Variants in CUBN observed in about 807,000 individuals in gnomAD.
The protein encoded by CUBN is 460 kDa receptor.
CUBN carries 282 observed loss-of-function variants against 405.3 expected under a neutral mutation model. The observed-to-expected ratio is 0.70, with a 90% CI of 0.63 to 0.77. CUBN has a LOEUF of 0.77. Ranked by LOEUF, CUBN falls within the 30% of genes least tolerant of loss-of-function variation. The pLI, the probability that CUBN is intolerant of heterozygous loss-of-function variation, is 0.00. For missense variants in CUBN, 4,514 were observed against 4,475.2 expected, an observed-to-expected ratio of 1.01 and a Z score of -0.25; for synonymous variants, 1,684 against 1,617.0, an observed-to-expected ratio of 1.04 and a Z score of -0.99.
At position 16,890,329 on chromosome 10, in the gene CUBN, C is replaced by T. The variant is rs199759091; in HGVS notation, c.8755+42G>A. On this transcript the variant is annotated intron_variant, in intron 55 of 66. Coordinates refer to ENST00000377833, the MANE Select transcript of CUBN (RefSeq NM_001081.4). ...ACCCTGCCTGCCTGTGACAACCACA[C>T]TCCCGCAAAGACCTCTGGGTTTGGT... is the stretch of plus-strand genomic sequence containing the variant. 2.7e-3 allele frequency: 4,318 copies of T among 1,609,258 alleles called. 11 individuals are homozygous for T. The highest frequency in any genetic ancestry group is 3.4e-3 in the Non-Finnish European group (4,035 of 1,177,512).
chr10:16,948,474 T>C lies in CUBN; in HGVS notation c.5209+4A>G. ...CGCTAGAGTCAGGTGCTAGGGTTTCTTACCCGACACTGATGCGGTGACCGT... is the reference window on the plus strand; with the variant it reads ...CGCTAGAGTCAGGTGCTAGGGTTTCCTACCCGACACTGATGCGGTGACCGT... On this transcript the variant is annotated splice_donor_region_variant and intron_variant, in intron 35 of 66. Transcript: ENST00000377833. 2.5e-6 allele frequency: 4 copies of C among 1,613,874 alleles called. No homozygotes were observed. Among genetic ancestry groups the C allele is most frequent in the Non-Finnish European group, 3.4e-6 (4 of 1,179,900 alleles).
chr10:16,855,974 C>T (rs11254250), intron 59 of CUBN, among the ~76,000 whole-genome samples: 8,072 of 152,098 alleles, frequency 0.053, 258 homozygotes, highest in Non-Finnish European at 0.066. Context: ...TTTGAGAAAA[C>T]GTAATGATCA....
intron 66 of CUBN, among the ~76,000 whole-genome samples, chr10:16,827,187 C>T (rs563290114): frequency 6.6e-6 from 1 of 152,216 alleles, no homozygotes; most frequent in East Asian, 1.9e-4. Context: ...TAAATGTCCA[C>T]TTAGAGGGGC....
intron 56 of CUBN, among the ~76,000 whole-genome samples, chr10:16,884,753 G>A (rs186528612): frequency 8.5e-5 from 13 of 152,156 alleles, no homozygotes; most frequent in Middle Eastern, 3.4e-3. Context: ...TTTAGTAGAC[G>A]CCATATAGGG....
Position 16,902,206 on chromosome 10 carries a change from T to G in CUBN, c.8063-747A>C, listed in dbSNP as rs1015109493. ...ATATTTGTATATATAGTATATATAT[T>G]TATATATATAGTATATATATGTATA... On this transcript the variant is annotated intron_variant, in intron 51 of 66. Transcript: ENST00000377833. Among the ~76,000 whole-genome samples the G allele has an allele frequency of 6.3e-4, 85 of 135,216 alleles. No individual in the cohort carries two copies. In the East Asian group the frequency reaches 0.017, roughly 27 times the overall value. The allele number at this position is 135,216 out of a possible 152,430, so 88.7% of individuals were successfully genotyped here. A position where few individuals can be genotyped will look rare whatever the true frequency, so the allele number is the denominator to read the frequency against.
chr10:17,003,550 AG>A (rs2131743942), intron 28 of CUBN, among the ~76,000 whole-genome samples: 1 of 152,306 alleles, frequency 6.6e-6, no homozygotes, highest in East Asian at 1.9e-4. Context: ...GTTCAACAAA[AG>A]TTTTTTGTTC....
At position 16,919,618 on chromosome 10, in the gene CUBN, T is replaced by C. The variant is rs558104335; in HGVS notation, c.6821+345A>G. ...TGTTAAACAGACATTTTATCATTTG[T>C]GACACCGAATATGAGGCTGGTCAAA... On this transcript the variant is annotated intron_variant, in intron 44 of 66. Transcript: ENST00000377833. Among the ~76,000 whole-genome samples the C allele has an allele frequency of 2.0e-5, 3 of 152,328 alleles. No homozygotes were observed. The East Asian group carries it at 5.8e-4, about 29-fold the overall frequency.
At chr10:17,109,853 A>G in intron 9 of CUBN, 118 bp from the exon 10 acceptor site, 1 of 744,990 alleles carries the variant, frequency 1.3e-6, no homozygotes, top group Non-Finnish European at 2.4e-6. Flanking sequence ...TCATCGAAAC[A>G]AAAAATATAA....
chr10:17,056,562 T>G (rs950087428), intron 22 of CUBN, among the ~76,000 whole-genome samples: 3 of 151,500 alleles, frequency 2.0e-5, no homozygotes, highest in Admixed American at 6.6e-5. Flanking sequence ...TGAGCCGAGA[T>G]CGCACCACCG....
chr10:16,965,937 CA>C, intron 31 of CUBN: 1 of 471,064 alleles, frequency 2.1e-6, no homozygotes, highest in Non-Finnish European at 4.4e-6. Flanking sequence ...AGCCAATATA[CA>C]AACCCCATCT....
chr10:16,906,317 C>T lies in CUBN; in HGVS notation c.7798G>A (p.Glu2600Lys), dbSNP rs766806038. 11 of 1,613,632 alleles carry T rather than the reference C, an allele frequency of 6.8e-6. No homozygotes were observed. Among genetic ancestry groups the T allele is most frequent in the African/African-American group, 5.3e-5 (4 of 74,898 alleles). The change falls in exon 50 of 67, where the codon GAA becomes AAA. Residue 2600 changes from glutamate to lysine, a missense_variant. Glu to Lys is a moderately conservative substitution (Grantham distance 56, BLOSUM62 1). This residue lies in a region of CUBN where 1,613 missense variants were observed against 1,542.8 expected (regional missense o/e 1.05). Coordinates refer to ENST00000377833, the MANE Select transcript of CUBN (RefSeq NM_001081.4). The stretch of plus-strand genomic sequence containing the variant: ...TGATTTGGATTGCTGAGAGTCCATT[C>T]GCAGTTCAGGTTTCTTGAGTAATTC... ...VRNYSRNLNC[E>K]WTLSNPNQGN...
At chr10:17,068,010 A>C in intron 21 of CUBN, 54 bp downstream of exon 21, 1 of 1,401,558 alleles carries the variant, frequency 7.1e-7, no homozygotes, top group Non-Finnish European at 1.0e-6. Flanking sequence ...CCTTCACTGA[A>C]GCAGGAAATC....
At chr10:16,973,391 G>C (rs61841478) in intron 31 of CUBN, among the ~76,000 whole-genome samples, 2 of 152,100 alleles carry the variant, frequency 1.3e-5, no homozygotes, top group African/African-American at 4.8e-5. Flanking sequence ...CTAAATCCTA[G>C]GTGCTATACT....
chr10:16,907,635 C>T lies in CUBN; in HGVS notation c.7578G>A (p.Leu2526=). ...IRSNSPQLEK[L]CSSVNVSNEI... ...CATTGCTTACATTCACACTACTACA[C>T]AGTTTCTCTAGCTGGGGTGAGTTAC... Residue 2526 remains leucine, a synonymous_variant, in exon 49 of 67, where the codon CTG becomes CTA. Coordinates refer to ENST00000377833, the MANE Select transcript of CUBN (RefSeq NM_001081.4). The T allele has an allele frequency of 6.2e-7, 1 of 1,612,722 alleles. No homozygotes were observed. Among genetic ancestry groups the T allele is most frequent in the Non-Finnish European group, 8.5e-7 (1 of 1,180,006 alleles).
At chr10:17,041,563 G>GATC (rs1407695017) in intron 26 of CUBN, among the ~76,000 whole-genome samples, 2 of 151,978 alleles carry the variant, frequency 1.3e-5, no homozygotes, top group Non-Finnish European at 2.9e-5. Flanking sequence ...TATATTCAGG[G>GATC]ATCAGTCTGA....
intron 22 of CUBN, among the ~76,000 whole-genome samples, chr10:17,056,304 C>T (rs1376579572): frequency 1.3e-5 from 2 of 152,072 alleles, no homozygotes; most frequent in African/African-American, 4.8e-5. Flanking sequence ...CGTATAAAAT[C>T]TCAAACTATA....
chr10:16,831,378 T>G lies in CUBN; in HGVS notation c.10402A>C (p.Lys3468Gln). The G allele has an allele frequency of 6.2e-7, 1 of 1,614,122 alleles. No individual in the cohort carries two copies. The highest frequency in any genetic ancestry group is 1.1e-5 in the South Asian group (1 of 91,082). Residue 3468 changes from lysine (K) to glutamine (Q), a missense_variant, in exon 65 of 67, where the codon AAG becomes CAG. Physicochemically the swap from Lys to Gln is moderately conservative, Grantham distance 53. This residue lies in a region of CUBN where 1,186 missense variants were observed against 1,186.9 expected (regional missense o/e 1.00). Coordinates refer to ENST00000377833, the MANE Select transcript of CUBN (RefSeq NM_001081.4). ...GSNSNSPLLG[K>Q]YCGTLLPNPV... ...TTTGGCAGCAGAGTTCCACAGTACT[T>G]GCCCAGTAATGGTGAATTGCTGTTA...
chr10:16,862,973 C>G (rs1189478772), intron 59 of CUBN, among the ~76,000 whole-genome samples: 1 of 152,224 alleles, frequency 6.6e-6, no homozygotes, highest in African/African-American at 2.4e-5. Flanking sequence ...CCCCATCCTT[C>G]AAGACCAGGA....
intron 31 of CUBN, among the ~76,000 whole-genome samples, chr10:16,976,848 A>G (rs185198846): frequency 2.0e-5 from 3 of 152,206 alleles, no homozygotes; most frequent in Admixed American, 6.5e-5. Context: ...AGTCCCCCCA[A>G]AAAGCCTTCT....
Sources: allele counts gnomAD v4.1 joint callset (sites outside exome capture counted in the v4.1 genomes callset), GRCh38; gene constraint gnomAD v4.1.1; regional missense constraint gnomAD v4.1.1; transcripts MANE v1.5; gene names NCBI Gene and HGNC (gene_info 2026-07-23, HGNC 2026-07-21).